TCTN2: variants seen among roughly 807,000 people sequenced by gnomAD.
TCTN2 encodes tectonic family member 2, also known as tectonic-2.
A neutral mutation model predicts 83.4 loss-of-function variants in TCTN2; 66 were observed. The observed-to-expected ratio is 0.79, with a 90% confidence interval of 0.65 to 0.97. TCTN2 has a LOEUF of 0.97. Among genes scored for constraint, TCTN2 ranks in the 50% least tolerant of loss-of-function variants. The pLI is 0.00. For missense variants in TCTN2, 794 were observed against 858.1 expected, an observed-to-expected ratio of 0.93 and a Z score of 0.93; for synonymous variants, 301 against 326.7, an observed-to-expected ratio of 0.92 and a Z score of 0.85.
chr12:123,708,250 C>CT lies in TCTN2; in HGVS notation c.*537_*538insT, dbSNP rs1956256746. On this transcript the variant is annotated 3_prime_UTR_variant, in exon 18 of 18. Transcript: ENST00000303372. ...TCAGATGATCTGCCCACCTCGGCCT[C>CT]CCAAAGTGCTGGGATCACAGACGTG... 4 of 167,058 alleles carry CT rather than the reference C, an allele frequency of 2.4e-5. No homozygotes were observed. The South Asian group carries it at 4.4e-4, about 18-fold the overall frequency. The allele number at this position is 167,058 out of a possible 1,614,324, so 10.3% of individuals were successfully genotyped here.
Position 123,688,148 on chromosome 12 carries a change from G to A in TCTN2, c.862G>A (p.Val288Ile). The A allele has an allele frequency of 1.2e-6, 2 of 1,611,628 alleles. No individual in the cohort carries two copies. The change falls in exon 7 of 18, where the codon GTA (valine) becomes ATA (isoleucine). Residue 288 changes from valine (V) to isoleucine (I), a missense_variant. Transcript: ENST00000303372. ...CAAACAAGGAGATCCCATTATGACT[G>A]TAAAGAAGGCATATTTTACTATTCC... is the stretch of plus-strand genomic sequence containing the variant. ...GYKQGDPIMTVKKAYFTIPQV... is the reference protein window; with the variant it reads ...GYKQGDPIMTIKKAYFTIPQV...
In TCTN2 at chr12:123,673,686, C is replaced by T. The variant is rs776909705; in HGVS notation, c.339C>T (p.Phe113=). 6.2e-7 allele frequency: 1 copy of T among 1,614,214 alleles called. No individual in the cohort carries two copies. The highest frequency in any genetic ancestry group is 8.5e-7 in the Non-Finnish European group (1 of 1,180,038). ...GTTCCTCCAATGAGACAGATTCCTT[C>T]TCAGAGTCCCCCTGTATCCTCCAGA... The part of the protein sequence containing the change: ...DWCSSNETDS[F]SESPCILQTL... Residue 113 remains phenylalanine, a synonymous_variant, in exon 4 of 18, where the codon TTC becomes TTT. Coordinates refer to ENST00000303372, the MANE Select transcript of TCTN2 (RefSeq NM_024809.5).
chr12:123,672,001 C>A, intron 2 of TCTN2, 55 bp from the exon 3 acceptor site: 1 of 1,463,056 alleles, frequency 6.8e-7, no homozygotes, highest in Non-Finnish European at 9.6e-7. Context: ...TGACTCAATG[C>A]ACCCCCTGAG....
chr12:123,696,333 C>A, intron 11 of TCTN2, 82 bp from the exon 12 acceptor site: 1 of 1,156,700 alleles, frequency 8.6e-7, no homozygotes, highest in African/African-American at 1.5e-5. Flanking sequence ...TTTCCTTGTG[C>A]ATGACTCTTG....
chr12:123,707,565 A>G (rs1956245679), intron 17 of TCTN2, 39 bp from the exon 18 acceptor site: 4 of 1,574,320 alleles, frequency 2.5e-6, no homozygotes, highest in Non-Finnish European at 3.5e-6. Context: ...CAAAAGAGTT[A>G]AGAAATACTG....
chr12:123,684,866 A>G (rs965880043), intron 5 of TCTN2, among the ~76,000 whole-genome samples: 1 of 151,890 alleles, frequency 6.6e-6, no homozygotes, highest in Non-Finnish European at 1.5e-5. Flanking sequence ...CCTGGCCAAC[A>G]TGGTGAAACC....
At chr12:123,683,485 T>C (rs931007214) in intron 5 of TCTN2, among the ~76,000 whole-genome samples, 2 of 151,862 alleles carry the variant, frequency 1.3e-5, no homozygotes, top group Non-Finnish European at 2.9e-5. Flanking sequence ...TTTGCCGTGT[T>C]GGCCAGGCTG....
intron 9 of TCTN2, 41 bp downstream of exon 9, chr12:123,692,764 G>T (rs1956058901): frequency 1.4e-6 from 2 of 1,473,292 alleles, no homozygotes; most frequent in African/African-American, 2.8e-5. Context: ...TTCAGAAACA[G>T]ATATGTCATT....
chr12:123,703,405 C>T (rs1956194699), intron 14 of TCTN2, among the ~76,000 whole-genome samples: 1 of 152,076 alleles, frequency 6.6e-6, no homozygotes, highest in African/African-American at 2.4e-5. Context: ...TGGTCTCGAA[C>T]TCCTGACCTC....
At chr12:123,683,652 T>C (rs1566249728) in intron 5 of TCTN2, among the ~76,000 whole-genome samples, 1 of 151,098 alleles carries the variant, frequency 6.6e-6, no homozygotes, top group Non-Finnish European at 1.5e-5. Flanking sequence ...TTTAAAATTT[T>C]TTTTGAGACG....
At chr12:123,678,550 A>C (rs1955853475) in intron 4 of TCTN2, among the ~76,000 whole-genome samples, 1 of 152,164 alleles carries the variant, frequency 6.6e-6, no homozygotes, top group South Asian at 2.1e-4. Context: ...GGCCTCCCAA[A>C]GTGCTGGGTT....
intron 11 of TCTN2, 190 bp downstream of exon 11, chr12:123,695,487 T>A: frequency 2.0e-6 from 1 of 488,990 alleles, no homozygotes; most frequent in South Asian, 2.2e-5. Flanking sequence ...AGTGGCGCAA[T>A]CTCGGCTCAC....
chr12:123,680,628 T>G (rs1955888525), intron 5 of TCTN2, among the ~76,000 whole-genome samples: 1 of 151,388 alleles, frequency 6.6e-6, no homozygotes, highest in East Asian at 2.0e-4. Context: ...GTGATTCTTG[T>G]GCCTCAGCCT....
At chr12:123,674,736 T>C (rs1167449000) in intron 4 of TCTN2, among the ~76,000 whole-genome samples, 1 of 152,116 alleles carries the variant, frequency 6.6e-6, no homozygotes, top group African/African-American at 2.4e-5. Context: ...CTATAAAAAA[T>C]TTTAAAAAGC....
At chr12:123,691,087 T>C (rs866537050) in intron 8 of TCTN2, among the ~76,000 whole-genome samples, 1 of 152,264 alleles carries the variant, frequency 6.6e-6, no homozygotes, top group African/African-American at 2.4e-5. Context: ...CAGGTTGACC[T>C]TGAACTCCTG....
rs981030748 is a variant in TCTN2, at chr12:123,692,048, C to T, written c.1034-610C>T. On this transcript the variant is annotated intron_variant, in intron 8 of 17. Coordinates refer to ENST00000303372, the MANE Select transcript of TCTN2 (RefSeq NM_024809.5). ...TAGCTGGGATTACAGGCACCCACCA[C>T]CACGCCCTGCTAATTTTTGTATTTT... Among the ~76,000 whole-genome samples the T allele has an allele frequency of 5.9e-5, 9 of 152,298 alleles. No homozygotes were observed. The South Asian group carries it at 1.2e-3, about 21-fold the overall frequency.
At chr12:123,685,258 A>C (rs1955950243) in intron 5 of TCTN2, among the ~76,000 whole-genome samples, 1 of 152,170 alleles carries the variant, frequency 6.6e-6, no homozygotes, top group Non-Finnish European at 1.5e-5. Flanking sequence ...ACCACAATGC[A>C]GCAGCACTTT....
At chr12:123,688,208 G>A (rs745367159) in intron 7 of TCTN2, 31 bp downstream of exon 7, 7 of 1,576,650 alleles carry the variant, frequency 4.4e-6, no homozygotes, top group African/African-American at 2.8e-5. Context: ...ATGCTAGACC[G>A]TTCTCTTTTT....
chr12:123,695,165 ATTTCT>A (rs140529934), intron 10 of TCTN2, 50 bp from the exon 11 acceptor site: 37,221 of 1,414,120 alleles, frequency 0.026, 1,091 homozygotes, highest in African/African-American at 0.13. Context: ...ATGGAGAATA[ATTTCT>A]TTTCCTAGTG....
Sources: allele counts gnomAD v4.1 joint callset (sites outside exome capture counted in the v4.1 genomes callset), GRCh38; gene constraint gnomAD v4.1.1; transcripts MANE v1.5; gene names NCBI Gene and HGNC (gene_info 2026-07-23, HGNC 2026-07-21).